MYCBP2: variants seen among roughly 807,000 people sequenced by gnomAD.
MYCBP2 encodes the protein MYC binding protein 2.
Under a neutral mutation model 525.3 loss-of-function variants are expected in MYCBP2, and 120 were observed. The observed-to-expected ratio is 0.23, with a 90% CI of 0.20 to 0.27. The LOEUF (loss-of-function observed/expected upper bound fraction) is 0.27, where lower values mean the gene tolerates loss of function less well. Among genes scored for constraint, MYCBP2 ranks in the 10% least tolerant of loss-of-function variants. The probability of loss-of-function intolerance (pLI) is 1.00; values close to 1 mark genes in which losing one functional copy is unlikely to be tolerated. For synonymous variants in MYCBP2, 1,894 were observed against 1,955.8 expected (o/e 0.97, Z 0.83); for missense variants, 4,149 against 5,657.1 (o/e 0.73, Z 8.55).
chr13:77,077,032 T>A, intron 67 of MYCBP2, 116 bp downstream of exon 67: 1 of 1,408,894 alleles, frequency 7.1e-7, no homozygotes, highest in Non-Finnish European at 9.5e-7. Context: ...AAAGAAAAAA[T>A]GGGCAACATT....
chr13:77,119,140 C>G (rs2050266642), intron 55 of MYCBP2, among the ~76,000 whole-genome samples: 1 of 152,048 alleles, frequency 6.6e-6, no homozygotes, highest in Non-Finnish European at 1.5e-5. Flanking sequence ...TTATGAGCTA[C>G]CTAATTTGAA....
Position 77,267,918 on chromosome 13 carries a change from T to C in MYCBP2, c.1280A>G (p.Asp427Gly), listed in dbSNP as rs2074328141. ...GGCTGTCATGCTGTGGTTATTCACA[T>C]CTCTATATAATAAATAACCCTGATA... The part of the protein sequence containing the change: ...GYAQGYLLYR[D>G]VNNHSMTAIR... Residue 427 changes from aspartate (D) to glycine (G), a missense_variant, in exon 8 of 83, where the codon GAT becomes GGT. Around this residue, in one of 21 missense-constraint regions of MYCBP2, gnomAD observed 262 missense variants for 419.3 expected, o/e 0.62. Transcript: ENST00000544440. The C allele has an allele frequency of 1.9e-6, 3 of 1,613,246 alleles. No individual in the cohort carries two copies. The highest frequency in any genetic ancestry group is 2.5e-6 in the Non-Finnish European group (3 of 1,179,500).
At chr13:77,155,854 GAACA>G (rs2057151596) in intron 46 of MYCBP2, among the ~76,000 whole-genome samples, 200 bp downstream of exon 46, 1 of 152,028 alleles carries the variant, frequency 6.6e-6, no homozygotes, top group South Asian at 2.1e-4. Flanking sequence ...AAAATGTAAA[GAACA>G]AACTCACAAA....
intron 82 of MYCBP2, 35 bp from the exon 83 acceptor site, chr13:77,045,528 G>A: frequency 1.4e-6 from 2 of 1,388,356 alleles, no homozygotes; most frequent in Non-Finnish European, 2.0e-6. Flanking sequence ...GGAAAATAAT[G>A]TTTTAAGAAT....
rs11419165 is a variant in MYCBP2 at position 77,057,834 on chromosome 13, CTTTTTT to C, written c.13329+378_13329+383del. 9.4e-4 allele frequency among the ~76,000 whole-genome samples: 114 copies of C among 121,094 alleles called. 3 individuals carry two copies. The East Asian group carries it at 0.02, about 22-fold the overall frequency. 79.4% of individuals were successfully genotyped at this position (121,094 alleles called of 152,430 possible). ...TATAAAAAAAGATTTCAATCAACTG[CTTTTTT>C]TTTTTTTTTTTTTTTTGAGACAGAG... On this transcript the variant is annotated intron_variant, in intron 78 of 82. Transcript: ENST00000544440.
chr13:77,199,391 A>G (rs1225275395), intron 26 of MYCBP2, among the ~76,000 whole-genome samples: 1 of 152,216 alleles, frequency 6.6e-6, no homozygotes, highest in Non-Finnish European at 1.5e-5. Context: ...GGAGGGTCCT[A>G]CGCTCATGGA....
intron 32 of MYCBP2, among the ~76,000 whole-genome samples, chr13:77,183,278 A>T (rs1369581848): frequency 1.3e-5 from 2 of 152,114 alleles, no homozygotes; most frequent in Non-Finnish European, 2.9e-5. Context: ...TGCCTCCTGT[A>T]TTTTCCAAAA....
chr13:77,080,937 T>C (rs2043199434), intron 65 of MYCBP2: 2 of 146,586 alleles, frequency 1.4e-5, no homozygotes, highest in South Asian at 2.1e-4. Flanking sequence ...GGAGACTCCA[T>C]CTCAGAAAAA....
At chr13:77,127,174 T>G (rs2051822711) in intron 52 of MYCBP2, among the ~76,000 whole-genome samples, 1 of 152,036 alleles carries the variant, frequency 6.6e-6, no homozygotes, top group African/African-American at 2.4e-5. Context: ...CTTGCTAGAT[T>G]TGTTAAGCCA....
chr13:77,304,380 A>G (rs1274804843), intron 1 of MYCBP2, among the ~76,000 whole-genome samples: 2 of 152,232 alleles, frequency 1.3e-5, no homozygotes, highest in Non-Finnish European at 2.9e-5. Flanking sequence ...CCAGGCAAAG[A>G]AAGATGAATA....
At chr13:77,089,682 TTA>T (rs2154117807) in intron 60 of MYCBP2, among the ~76,000 whole-genome samples, 1 of 152,028 alleles carries the variant, frequency 6.6e-6, no homozygotes, top group South Asian at 2.1e-4. Flanking sequence ...TAAGGGCTAT[TTA>T]TATCCCCAAA....
intron 13 of MYCBP2, 54 bp downstream of exon 13, chr13:77,260,374 C>A: frequency 4.7e-6 from 6 of 1,277,992 alleles, no homozygotes; most frequent in Non-Finnish European, 6.4e-6. Flanking sequence ...CTTTGTCATA[C>A]ATAACTAGTA....
chr13:77,307,625 CAAAAAAA>C (rs763388200), intron 1 of MYCBP2, among the ~76,000 whole-genome samples: 6 of 30,112 alleles, frequency 2.0e-4, no homozygotes, highest in African/African-American at 2.6e-4. Context: ...GACCCTGTCT[CAAAAAAA>C]AAAAAAAAAA....
At chr13:77,047,186 T>A (rs966311949) in intron 82 of MYCBP2, among the ~76,000 whole-genome samples, 2 of 152,172 alleles carry the variant, frequency 1.3e-5, no homozygotes, top group African/African-American at 4.8e-5. Flanking sequence ...CCTGCAAACA[T>A]CTGAGTGCTT....
chr13:77,245,956 C>A (rs2069854164), intron 15 of MYCBP2, among the ~76,000 whole-genome samples: 1 of 151,992 alleles, frequency 6.6e-6, no homozygotes, highest in Admixed American at 6.6e-5. Flanking sequence ...TTCACAGAGT[C>A]CAATTACCTG....
At chr13:77,297,590 A>G (rs17067421) in intron 1 of MYCBP2, among the ~76,000 whole-genome samples, 4,862 of 152,286 alleles carry the variant, frequency 0.032, 211 homozygotes, top group East Asian at 0.17. Flanking sequence ...TTTTAAGCCT[A>G]GGTCACTTGG....
rs760120270 is a variant in MYCBP2, at chr13:77,205,291, A to T, written c.3808T>A (p.Phe1270Ile). Residue 1270 changes from phenylalanine (F) to isoleucine (I), a missense_variant, in exon 26 of 83, where the codon TTT (phenylalanine) becomes ATT (isoleucine). Physicochemically the swap from Phe to Ile is conservative, Grantham distance 21. Transcript: ENST00000544440. The stretch of plus-strand genomic sequence containing the variant: ...GCAGTATATTCTCCTCTACCTCCAA[A>T]CAGACCAAGACCACCAAGTAAAATA... ...TDILLGGLGL[F>I]GGRGEYTAKI... is the part of the protein sequence containing the mutation. 1 of 1,613,280 alleles carries T rather than the reference A, an allele frequency of 6.2e-7. No homozygotes were observed.
rs1176416101 is a variant in MYCBP2, at chr13:77,121,456, G to A, written c.8057C>T (p.Pro2686Leu). The change falls in exon 55 of 83, where the codon CCA becomes CTA. Residue 2686 changes from proline to leucine, a missense_variant. This residue lies in a region of MYCBP2 where 653 missense variants were observed against 744.7 expected (regional missense o/e 0.88). Coordinates refer to ENST00000544440, the MANE Select transcript of MYCBP2 (RefSeq NM_015057.5). ...LLDQNSQTPP[P>L]SPFSVQAFNK... ...AAAAGCTTGCACTGAGAAAGGGCTT[G>A]GAGGAGGAGTTTGAGAATTCTGATC... 3 of 1,584,038 alleles carry A rather than the reference G, an allele frequency of 1.9e-6. No homozygotes were observed. The highest frequency in any genetic ancestry group is 3.4e-4 in the Middle Eastern group (2 of 5,908).
intron 22 of MYCBP2, 141 bp downstream of exon 22, chr13:77,211,815 T>C (rs2064051587): frequency 1.5e-6 from 1 of 684,498 alleles, no homozygotes; most frequent in Admixed American, 2.9e-5. Context: ...ACGGAGACAT[T>C]TACAGGCTTT....
Sources: allele counts gnomAD v4.1 joint callset (sites outside exome capture counted in the v4.1 genomes callset), GRCh38; gene constraint gnomAD v4.1.1; regional missense constraint gnomAD v4.1.1; transcripts MANE v1.5; gene names NCBI Gene and HGNC (gene_info 2026-07-23, HGNC 2026-07-21).